The following PCNX2 variants were observed in gnomAD, a reference collection of about 807,000 sequenced individuals.
The protein encoded by PCNX2 is pecanex 2.
In PCNX2, 168 loss-of-function variants were observed where a neutral mutation model predicts 223.8. The ratio of observed to expected loss-of-function variants is 0.75; its 90% confidence interval spans 0.66 to 0.85. The LOEUF (loss-of-function observed/expected upper bound fraction) is 0.85, where lower values mean the gene tolerates loss of function less well. Ranked by LOEUF, PCNX2 falls within the 40% of genes least tolerant of loss-of-function variation. The pLI is 0.00. For synonymous variants in PCNX2, 1,006 were observed against 1,052.6 expected, an observed-to-expected ratio of 0.96 and a Z score of 0.86; for missense variants, 2,507 against 2,675.5, an observed-to-expected ratio of 0.94 and a Z score of 1.39.
At chr1:233,021,371 TATCAA>T (rs1670884448) in intron 26 of PCNX2, among the ~76,000 whole-genome samples, 1 of 152,186 alleles carries the variant, frequency 6.6e-6, no homozygotes, top group Non-Finnish European at 1.5e-5. Flanking sequence ...CCTACTTGTA[TATCAA>T]ATCACTTAGG....
At chr1:233,324,357 A>C in the PCNX2 span, among the ~76,000 whole-genome samples, 1 of 152,236 alleles carries the variant, frequency 6.6e-6, no homozygotes, top group Non-Finnish European at 1.5e-5. Context: ...TTCTATTGGA[A>C]GAAGATGCCA....
At chr1:233,079,995 T>C (rs1461261656) in intron 23 of PCNX2, among the ~76,000 whole-genome samples, 2 of 152,158 alleles carry the variant, frequency 1.3e-5, no homozygotes, top group East Asian at 1.9e-4. Flanking sequence ...CTCTTGACCA[T>C]AGTCTCACGA....
At chr1:233,218,672 A>T (rs1279477298) in intron 10 of PCNX2, among the ~76,000 whole-genome samples, 2 of 152,058 alleles carry the variant, frequency 1.3e-5, no homozygotes, top group Admixed American at 1.3e-4. Context: ...TTCTTTCCTT[A>T]TTCCTCATGC....
intron 10 of PCNX2, among the ~76,000 whole-genome samples, chr1:233,225,110 TAAAA>T (rs71173259): frequency 2.4e-5 from 1 of 42,218 alleles, no homozygotes; most frequent in African/African-American, 9.9e-5. Flanking sequence ...AGAACTAAAG[TAAAA>T]AAAAAAAAAA....
chr1:233,021,208 A>T (rs1206797349), intron 26 of PCNX2, among the ~76,000 whole-genome samples: 2 of 152,108 alleles, frequency 1.3e-5, no homozygotes, highest in East Asian at 3.9e-4. Flanking sequence ...ACCTCGCAGG[A>T]TAGGCCTGGC....
At chr1:233,255,859 A>G (rs183993288) in intron 5 of PCNX2, among the ~76,000 whole-genome samples, 1 of 152,348 alleles carries the variant, frequency 6.6e-6, no homozygotes, top group East Asian at 1.9e-4. Context: ...TTTTCAGATT[A>G]TAATAACAAA....
intron 1 of PCNX2, 102 bp from the exon 2 acceptor site, chr1:233,263,265 G>T: frequency 1.0e-6 from 1 of 971,720 alleles, no homozygotes; most frequent in Non-Finnish European, 1.4e-6. Context: ...TATAAATTAG[G>T]CAAGATTTCA....
rs1659856757 is a variant in PCNX2, at chr1:233,258,469, T to G, written c.1393A>C (p.Asn465His). ...PERLKTRVSTNQCSGYGSGEG... is the reference protein window; with the variant it reads ...PERLKTRVSTHQCSGYGSGEG... ...CCAGATCCGTAGCCAGAACACTGATTGGTGGATACCCTCGTCTTCAGTCTC... is the reference window on the plus strand; with the variant it reads ...CCAGATCCGTAGCCAGAACACTGATGGGTGGATACCCTCGTCTTCAGTCTC... Residue 465 changes from asparagine (N) to histidine (H), a missense_variant, in exon 5 of 34, where the codon AAT (asparagine) becomes CAT (histidine). Asn to His is a moderately conservative substitution (Grantham distance 68). Around this residue, in one of 3 missense-constraint regions of PCNX2, gnomAD observed 1,031 missense variants for 1,021.7 expected, o/e 1.01. Transcript: ENST00000258229. 6.2e-7 allele frequency: 1 copy of G among 1,613,850 alleles called. No individual in the cohort carries two copies. The highest frequency in any genetic ancestry group is 1.7e-5 in the Admixed American group (1 of 60,000).
chr1:233,089,904 T>G (rs1375466329), intron 23 of PCNX2, 157 bp downstream of exon 23: 2 of 1,426,524 alleles, frequency 1.4e-6, no homozygotes, highest in African/African-American at 2.9e-5. Context: ...AAGAGCTGAG[T>G]CAATGAACTG....
intron 21 of PCNX2, among the ~76,000 whole-genome samples, chr1:233,120,190 A>T (rs1675698372): frequency 7.1e-6 from 1 of 141,762 alleles, no homozygotes; most frequent in African/African-American, 2.7e-5. Context: ...AAAAAGAAAT[A>T]AAAAGAAAAA....
chr1:233,009,726 C>T (rs12217124), intron 28 of PCNX2, among the ~76,000 whole-genome samples: 15,453 of 152,098 alleles, frequency 0.1, 966 homozygotes, highest in Non-Finnish European at 0.14. Flanking sequence ...CACTGGTTTG[C>T]GATGGAGCTT....
chr1:233,236,904 C>T lies in PCNX2; in HGVS notation c.2299G>A (p.Ala767Thr), dbSNP rs1246496952. ...ATCAGTAACAGCTGTTGCTGAAGGG[C>T]ACTGACGGCAGGGTCCCCAGAAGAC... ...DPSSGDPAVS[A>T]LQQQLLLMVA... Residue 767 changes from alanine (A) to threonine (T), a missense_variant, in exon 9 of 34, where the codon GCC becomes ACC. Around this residue, in one of 3 missense-constraint regions of PCNX2, gnomAD observed 1,031 missense variants for 1,021.7 expected, o/e 1.01. Coordinates refer to ENST00000258229, the MANE Select transcript of PCNX2 (RefSeq NM_014801.4). The T allele has an allele frequency of 6.2e-7, 1 of 1,613,998 alleles. No homozygotes were observed. Among genetic ancestry groups the T allele is most frequent in the Non-Finnish European group, 8.5e-7 (1 of 1,179,872 alleles).
chr1:233,168,251 G>T (rs1678919701), intron 17 of PCNX2, among the ~76,000 whole-genome samples: 1 of 151,796 alleles, frequency 6.6e-6, no homozygotes, highest in African/African-American at 2.4e-5. Flanking sequence ...AGAAGAGAGG[G>T]GAAAATCATT....
intron 26 of PCNX2, among the ~76,000 whole-genome samples, chr1:233,022,996 T>A (rs1670950151): frequency 6.6e-6 from 1 of 152,082 alleles, no homozygotes; most frequent in Non-Finnish European, 1.5e-5. Flanking sequence ...TGCGCCGGGA[T>A]GAGTCTAGCC....
chr1:233,038,921 A>T (rs1671549319), intron 25 of PCNX2, among the ~76,000 whole-genome samples: 1 of 152,198 alleles, frequency 6.6e-6, no homozygotes, highest in African/African-American at 2.4e-5. Flanking sequence ...CTATTTTTTG[A>T]TATTTTCCAG....
At chr1:233,049,368 G>C (rs1232490592) in intron 25 of PCNX2, among the ~76,000 whole-genome samples, 1 of 151,706 alleles carries the variant, frequency 6.6e-6, no homozygotes, top group Admixed American at 6.6e-5. Context: ...CACATAAACA[G>C]AATTAAAAAC....
At chr1:233,256,725 T>C (rs921462336) in intron 5 of PCNX2, among the ~76,000 whole-genome samples, 1 of 152,206 alleles carries the variant, frequency 6.6e-6, no homozygotes, top group Admixed American at 6.5e-5. Flanking sequence ...GTATGAATCT[T>C]TATATTAGAT....
intron 8 of PCNX2, among the ~76,000 whole-genome samples, chr1:233,244,493 T>G (rs554770430): frequency 1.3e-3 from 201 of 152,228 alleles, no homozygotes; most frequent in Non-Finnish European, 2.4e-3. Context: ...GCAAATCACT[T>G]TGAGGCCACG....
intron 23 of PCNX2, chr1:233,058,203 C>T (rs1447569113): frequency 3.7e-6 from 1 of 272,844 alleles, no homozygotes; most frequent in Admixed American, 6.5e-5. Flanking sequence ...CGACTCACTG[C>T]AGACTTGAGG....
Sources: gnomAD v4.1 joint callset for allele counts (sites outside exome capture counted in the v4.1 genomes callset) on GRCh38, gnomAD v4.1.1 for gene constraint, gnomAD v4.1.1 regional missense constraint, MANE v1.5 for transcripts, NCBI Gene and HGNC (gene_info 2026-07-23, HGNC 2026-07-21) for gene names.